Variants in SLC1A2 observed in about 807,000 individuals in gnomAD.
SLC1A2 encodes solute carrier family 1 member 2.
In SLC1A2, 15 loss-of-function variants were observed where a neutral mutation model predicts 48.8. The observed-to-expected ratio is 0.31, with a 90% CI of 0.21 to 0.47. SLC1A2 has a LOEUF of 0.47. SLC1A2 is among the 20% of genes least tolerant of loss of function. The pLI is 0.99. For synonymous variants in SLC1A2, 279 were observed against 272.6 expected, an observed-to-expected ratio of 1.02 and a Z score of -0.23; for missense variants, 502 against 730.5, an observed-to-expected ratio of 0.69 and a Z score of 3.61.
chr11:35,399,897 C>T (rs973260111), intron 1 of SLC1A2, among the ~76,000 whole-genome samples: 1 of 152,188 alleles, frequency 6.6e-6, no homozygotes, highest in African/African-American at 2.4e-5. Flanking sequence ...GAGCTATAAA[C>T]AGCCAACCTA....
At chr11:35,343,664 T>G (rs1420456252) in intron 1 of SLC1A2, among the ~76,000 whole-genome samples, 1 of 152,140 alleles carries the variant, frequency 6.6e-6, no homozygotes, top group Non-Finnish European at 1.5e-5. Flanking sequence ...CCTGGGAATT[T>G]GGGGACCTAC....
chr11:35,253,642 G>A lies in SLC1A2; in HGVS notation c.*7252C>T, dbSNP rs945456876. On this transcript the variant is annotated 3_prime_UTR_variant, in exon 11 of 11. Transcript: ENST00000278379. ...AGCTAAGGGATTTAAGCAATTCCTT[G>A]TTCTTAATGGTTCATTTTGTTTATT... The A allele has an allele frequency of 2.0e-5, 3 of 152,708 alleles. No individual in the cohort carries two copies. The highest frequency in any genetic ancestry group is 2.9e-5 in the Non-Finnish European group (2 of 68,000). The allele number at this position is 152,708 out of a possible 1,614,324, so 9.5% of individuals were successfully genotyped here. A position where few individuals can be genotyped will look rare whatever the true frequency, so the allele number is the denominator to read the frequency against.
intron 1 of SLC1A2, chr11:35,404,642 T>C (rs1855231863): frequency 6.6e-6 from 1 of 152,026 alleles, no homozygotes; most frequent in Non-Finnish European, 1.5e-5. Context: ...AGCAGGAAAA[T>C]CACCATGGTT....
intron 1 of SLC1A2, among the ~76,000 whole-genome samples, chr11:35,366,947 T>C (rs577962424): frequency 6.6e-6 from 1 of 152,342 alleles, no homozygotes; most frequent in African/African-American, 2.4e-5. Context: ...CACTGAAACA[T>C]GGGAGTGGTT....
At chr11:35,331,199 G>A (rs542049684) in intron 1 of SLC1A2, among the ~76,000 whole-genome samples, 1 of 152,202 alleles carries the variant, frequency 6.6e-6, no homozygotes, top group African/African-American at 2.4e-5. Context: ...ACTTCCTCCT[G>A]CCCTAGAGAA....
intron 9 of SLC1A2, 148 bp from the exon 10 acceptor site, chr11:35,265,906 A>G (rs1257914831): frequency 5.0e-6 from 3 of 605,128 alleles, no homozygotes; most frequent in Non-Finnish European, 2.9e-6. Context: ...CTTAACTTTC[A>G]TGAGCCTTGA....
intron 9 of SLC1A2, among the ~76,000 whole-genome samples, chr11:35,268,749 G>A (rs1004711664): frequency 6.6e-6 from 1 of 152,094 alleles, no homozygotes; most frequent in Non-Finnish European, 1.5e-5. Flanking sequence ...ACTCTGAAGA[G>A]GTAATATTAT....
chr11:35,281,328 A>G (rs1354174124), intron 8 of SLC1A2, among the ~76,000 whole-genome samples: 3 of 152,198 alleles, frequency 2.0e-5, no homozygotes, highest in Non-Finnish European at 4.4e-5. Context: ...GGAAATATTA[A>G]AGATAAAAAC....
chr11:35,286,686 C>T (rs1850831223), intron 8 of SLC1A2, 71 bp downstream of exon 8: 2 of 1,119,406 alleles, frequency 1.8e-6, no homozygotes, highest in Non-Finnish European at 2.5e-6. Flanking sequence ...CAAGTGGCCT[C>T]TGTCACATGG....
intron 1 of SLC1A2, among the ~76,000 whole-genome samples, chr11:35,320,102 G>A (rs1462183788): frequency 6.6e-6 from 1 of 152,110 alleles, no homozygotes; most frequent in East Asian, 1.9e-4. Context: ...CTATCATATA[G>A]TATAGCATGA....
chr11:35,384,187 T>C (rs369871980), intron 1 of SLC1A2, among the ~76,000 whole-genome samples: 1 of 152,188 alleles, frequency 6.6e-6, no homozygotes, highest in Admixed American at 6.5e-5. Context: ...AACAAAATAG[T>C]AATAGAAGCT....
rs570643839 is a variant in SLC1A2, at chr11:35,310,973, T to C, written c.561+1225A>G. On this transcript the variant is annotated intron_variant, in intron 4 of 10. Transcript: ENST00000278379. Reference sequence around the variant, plus strand: ...CAGCAAACTCAAAATACAAAACTCCTTGTCCTGACAAGGACATTTTTACTT... The same window carrying C: ...CAGCAAACTCAAAATACAAAACTCCCTGTCCTGACAAGGACATTTTTACTT... Among the ~76,000 whole-genome samples, 238 of 152,326 alleles carry C rather than the reference T, an allele frequency of 1.6e-3. 1 individual carries two copies. Among genetic ancestry groups the C allele is most frequent in the African/African-American group, 5.4e-3 (223 of 41,578 alleles).
Position 35,417,612 on chromosome 11 carries a change from T to C in SLC1A2, c.17+1338A>G, listed in dbSNP as rs780278800. 7.6e-4 allele frequency among the ~76,000 whole-genome samples: 115 copies of C among 152,204 alleles called. 1 individual carries two copies. The highest frequency in any genetic ancestry group is 3.1e-4 in the Non-Finnish European group (21 of 68,032). On this transcript the variant is annotated intron_variant, in intron 1 of 10. Transcript: ENST00000278379. ...AGGTACCACCCTCCTTGTACACAGG[T>C]GTCTTCCTGAAACATCTTTTTGGAG...
rs1235540652 is a variant in SLC1A2, at chr11:35,254,877, A to C, written c.*6017T>G. 2.2e-6 allele frequency: 1 copy of C among 448,860 alleles called. No homozygotes were observed. Among genetic ancestry groups the C allele is most frequent in the African/African-American group, 2.0e-5 (1 of 49,622 alleles). 27.8% of individuals were successfully genotyped at this position (448,860 alleles called of 1,614,324 possible). On this transcript the variant is annotated 3_prime_UTR_variant, in exon 11 of 11. Transcript: ENST00000278379. ...ATTTGGCCTGGAGGTTGGAAAGTGAAGCAAGGCTGGACATAGAAAAAAACT... is the reference window on the plus strand; with the variant it reads ...ATTTGGCCTGGAGGTTGGAAAGTGACGCAAGGCTGGACATAGAAAAAAACT...
intron 9 of SLC1A2, among the ~76,000 whole-genome samples, chr11:35,277,904 T>A (rs1251121585): frequency 6.6e-6 from 1 of 152,210 alleles, no homozygotes; most frequent in African/African-American, 2.4e-5. Flanking sequence ...CCCCCTTCCA[T>A]CCATGGCCTA....
chr11:35,339,612 G>A (rs1216251367), intron 1 of SLC1A2, among the ~76,000 whole-genome samples: 1 of 152,188 alleles, frequency 6.6e-6, no homozygotes, highest in African/African-American at 2.4e-5. Context: ...CATCAAATGA[G>A]AGAATGGATT....
At chr11:35,394,646 C>T (rs1386021500) in intron 1 of SLC1A2, among the ~76,000 whole-genome samples, 1 of 152,160 alleles carries the variant, frequency 6.6e-6, no homozygotes, top group African/African-American at 2.4e-5. Flanking sequence ...ACCATCCCAC[C>T]AGTTAAGGAT....
chr11:35,276,151 G>A (rs1565207442), intron 9 of SLC1A2, among the ~76,000 whole-genome samples: 1 of 152,146 alleles, frequency 6.6e-6, no homozygotes, highest in Non-Finnish European at 1.5e-5. Context: ...CAAAGGCATT[G>A]AACCTAGACT....
rs561710957 is a variant in SLC1A2 at position 35,386,179 on chromosome 11, A to C, written c.17+32771T>G. ...AGACTCCATCTCAAAAAAATAAAAT[A>C]AATAAAATAAAATAAAATAAAAATA... is the stretch of plus-strand genomic sequence containing the variant. On this transcript the variant is annotated intron_variant, in intron 1 of 10. Transcript: ENST00000278379. Among the ~76,000 whole-genome samples, 15 of 152,084 alleles carry C rather than the reference A, an allele frequency of 9.9e-5. No homozygotes were observed. The South Asian group carries it at 3.1e-3, about 32-fold the overall frequency.
Sources: allele counts gnomAD v4.1 joint callset (sites outside exome capture counted in the v4.1 genomes callset), GRCh38; gene constraint gnomAD v4.1.1; transcripts MANE v1.5; gene names NCBI Gene and HGNC (gene_info 2026-07-23, HGNC 2026-07-21).